ARL10: variants seen among roughly 807,000 people sequenced by gnomAD.
ARL10 encodes the protein ARF like GTPase 10, also known as ADP-ribosylation factor-like protein 10.
Under a neutral mutation model 26.1 loss-of-function variants are expected in ARL10, and 23 were observed. The ratio of observed to expected loss-of-function variants is 0.88; its 90% confidence interval spans 0.63 to 1.25. The LOEUF is 1.25. Ranked by LOEUF, ARL10 falls within the 50% of genes most tolerant of loss-of-function variation. ARL10 has a pLI of 0.00. For synonymous variants in ARL10, 138 were observed against 149.1 expected (o/e 0.93, Z 0.54); for missense variants, 300 against 323.6 (o/e 0.93, Z 0.56).
chr5:176,389,047 A>C (rs2113607087), downstream of ARL10: 2 of 1,569,772 alleles, frequency 1.3e-6, no homozygotes, highest in East Asian at 2.2e-5. Flanking sequence ...GAAGGACCAG[A>C]GCGCTAGCGG....
the ARL10 span, chr5:176,410,401 C>G: frequency 1.1e-6 from 1 of 920,246 alleles, no homozygotes. Context: ...TCTGTGTATA[C>G]CCATGTATAT....
chr5:176,371,510 C>T (rs932117369), intron 3 of ARL10, among the ~76,000 whole-genome samples: 4 of 145,626 alleles, frequency 2.7e-5, no homozygotes, highest in South Asian at 2.2e-4. Flanking sequence ...CTGATATTCC[C>T]GGGGATAGCC....
At position 176,368,683 on chromosome 5, in the gene ARL10, T is replaced by TG; in HGVS notation, c.386-123dup. The TG allele has an allele frequency of 9.0e-7, 1 of 1,114,218 alleles. No homozygotes were observed. The highest frequency in any genetic ancestry group is 1.2e-6 in the Non-Finnish European group (1 of 847,592). 69.0% of individuals were successfully genotyped at this position (1,114,218 alleles called of 1,614,324 possible). ...AGGGTGGGGTGGGGGCTGTGGGCAG[T>TG]GAGCGGGGGCCCGGGGTGGGGTGGG... On this transcript the variant is annotated intron_variant, in intron 2 of 3. Transcript: ENST00000310389. The surrounding 1 kb of genome is among the most constrained non-coding windows in gnomAD (Gnocchi z 4.1).
downstream of ARL10, chr5:176,388,780 G>A: frequency 6.2e-7 from 1 of 1,601,728 alleles, no homozygotes; most frequent in Non-Finnish European, 8.5e-7. Flanking sequence ...GGGAGGCTGA[G>A]GTCGGAGTCC....
intron 1 of ARL10, among the ~76,000 whole-genome samples, chr5:176,399,216 T>C (rs769559716): frequency 2.0e-5 from 3 of 152,176 alleles, no homozygotes; most frequent in Non-Finnish European, 4.4e-5. Context: ...TTTTCACTGC[T>C]ATGTCCCCAG....
At chr5:176,400,846 C>T (rs1197059279) in intron 1 of ARL10, among the ~76,000 whole-genome samples, 1 of 152,226 alleles carries the variant, frequency 6.6e-6, no homozygotes, top group African/African-American at 2.4e-5. Flanking sequence ...TAAGCAGTGG[C>T]TGAATGAGCA....
At chr5:176,386,627 G>T, downstream of ARL10, 1 of 657,564 alleles carries the variant, frequency 1.5e-6, no homozygotes, top group East Asian at 2.9e-5. Context: ...AAACATCTCT[G>T]ACCTTAGTTC....
At chr5:176,394,284 G>A (rs960547449) in intron 1 of ARL10, among the ~76,000 whole-genome samples, 1 of 152,230 alleles carries the variant, frequency 6.6e-6, no homozygotes, top group Non-Finnish European at 1.5e-5. Context: ...CATGACGACA[G>A]AGCCTGTCAG....
chr5:176,384,622 C>G (rs1419397071), downstream of ARL10: 1 of 528,776 alleles, frequency 1.9e-6, no homozygotes, highest in Non-Finnish European at 3.3e-6. Context: ...CCCTGTCTCT[C>G]CAAAAACAAT....
chr5:176,388,241 C>T (rs1561784715), intron 1 of ARL10: 1 of 1,610,968 alleles, frequency 6.2e-7, no homozygotes, highest in East Asian at 2.2e-5. Flanking sequence ...GTACCTTTCT[C>T]TTACGGAGGG....
At position 176,368,834 on chromosome 5, in the gene ARL10, A is replaced by G. The variant is rs767925207; in HGVS notation, c.413A>G (p.Tyr138Cys). 1.5e-5 allele frequency: 25 copies of G among 1,613,718 alleles called. No homozygotes were observed. The highest frequency in any genetic ancestry group is 2.1e-5 in the Non-Finnish European group (25 of 1,179,792). The part of the protein sequence containing the change: ...EIGGSQNLRF[Y>C]WKEFVSEVDV... ...GGGGGCAGCCAGAACCTGCGCTTCT[A>G]CTGGAAGGAGTTTGTGAGCGAGGTG... Residue 138 changes from tyrosine to cysteine, a missense_variant, in exon 3 of 4, where the codon TAC (tyrosine) becomes TGC (cysteine). Physicochemically the swap from Tyr to Cys is radical, Grantham distance 194 (BLOSUM62 -2). Coordinates refer to ENST00000310389, the MANE Select transcript of ARL10 (RefSeq NM_173664.6). The surrounding 1 kb of genome is among the most constrained non-coding windows in gnomAD (Gnocchi z 4.1).
chr5:176,389,926 T>A (rs1458219013), downstream of ARL10, among the ~76,000 whole-genome samples: 8 of 152,036 alleles, frequency 5.3e-5, no homozygotes, highest in Non-Finnish European at 1.2e-4. Context: ...CTCACACCTG[T>A]AATCCCAGCA....
At chr5:176,366,855 A>C (rs1225379481) in intron 2 of ARL10, among the ~76,000 whole-genome samples, 3 of 152,176 alleles carry the variant, frequency 2.0e-5, no homozygotes, top group Non-Finnish European at 4.4e-5. Context: ...CTAAGGGTTC[A>C]TATGCCAAGC....
rs1005460520 is a variant in ARL10 at position 176,374,843 on chromosome 5, C to T, written c.*2948C>T. ...GCAAACCAACCACTAGCTGCTCCTG[C>T]AAACACATTATGTGTTCCTTTTCCC... On this transcript the variant is annotated 3_prime_UTR_variant, in exon 4 of 4. Transcript: ENST00000310389. 30 of 152,330 alleles carry T rather than the reference C, an allele frequency of 2.0e-4. No individual in the cohort carries two copies. Among genetic ancestry groups the T allele is most frequent in the Admixed American group, 5.2e-4 (8 of 15,304 alleles). 9.4% of individuals were successfully genotyped at this position (152,330 alleles called of 1,614,324 possible). A position where few individuals can be genotyped will look rare whatever the true frequency, so the allele number is the denominator to read the frequency against.
At position 176,388,475 on chromosome 5, in the gene ARL10, A is replaced by T; in HGVS notation, c.217A>T (p.Arg73Ter). The T allele has an allele frequency of 6.2e-7, 1 of 1,614,234 alleles. No individual in the cohort carries two copies. Among genetic ancestry groups the T allele is most frequent in the Admixed American group, 1.7e-5 (1 of 60,028 alleles). ...TGCCTTCCGTCGAGCATTCCGGTTC[A>T]GACGCTTTCGGTTGACACTGTAACC... The change falls in exon 2 of 2, where the codon AGA (arginine) becomes TGA (stop). Residue 73 changes from arginine to a stop codon, truncating the protein, a stop_gained. Coordinates refer to the ARL10 transcript ENST00000503175. LOFTEE classifies it high-confidence loss of function.
rs910280356 is a variant in ARL10, at chr5:176,373,031, C to T, written c.*1136C>T. ...AGTACTTTACATGGATTCACATGAA[C>T]TGAAACGCCACCACTTGGCCCAGGA... On this transcript the variant is annotated 3_prime_UTR_variant, in exon 4 of 4. Transcript: ENST00000310389. 17 of 398,526 alleles carry T rather than the reference C, an allele frequency of 4.3e-5. No homozygotes were observed. The highest frequency in any genetic ancestry group is 4.4e-6 in the Non-Finnish European group (1 of 226,072). The allele number at this position is 398,526 out of a possible 1,614,324, so 24.7% of individuals were successfully genotyped here.
chr5:176,394,062 G>A (rs1347462098), intron 1 of ARL10, among the ~76,000 whole-genome samples: 2 of 152,186 alleles, frequency 1.3e-5, no homozygotes, highest in African/African-American at 2.4e-5. Context: ...TTCCTAGCCT[G>A]TAAAATGAGG....
rs1331753945 is a variant in ARL10 at position 176,368,665 on chromosome 5, G to T, written c.386-142G>T. 2 of 999,254 alleles carry T rather than the reference G, an allele frequency of 2.0e-6. 1 individual carries two copies. Among genetic ancestry groups the T allele is most frequent in the African/African-American group, 3.4e-5 (2 of 59,558 alleles). 61.9% of individuals were successfully genotyped at this position (999,254 alleles called of 1,614,324 possible). ...GCTCACTAAGCTAGAAGCAGGGTGG[G>T]GTGGGGGCTGTGGGCAGTGAGCGGG... On this transcript the variant is annotated intron_variant, in intron 2 of 3. Transcript: ENST00000310389. This position sits in a 1 kb window ranked among gnomAD's most constrained non-coding sequence, Gnocchi z 4.1.
downstream of ARL10, among the ~76,000 whole-genome samples, chr5:176,404,142 T>A (rs1756979310): frequency 6.6e-6 from 1 of 152,230 alleles, no homozygotes; most frequent in African/African-American, 2.4e-5. Flanking sequence ...GAACCAGGAT[T>A]CAAACTGAAT....
Sources: allele counts gnomAD v4.1 joint callset (sites outside exome capture counted in the v4.1 genomes callset), GRCh38; gene constraint gnomAD v4.1.1; non-coding constraint Gnocchi (gnomAD v3.1); transcripts MANE v1.5; gene names NCBI Gene and HGNC (gene_info 2026-07-23, HGNC 2026-07-21).